Variants in ANKS1B observed in about 807,000 individuals in gnomAD.
ANKS1B encodes ankyrin repeat and sterile alpha motif domain containing 1B, also known as ankyrin repeat and sterile alpha motif domain-containing protein 1B.
In ANKS1B, 36 loss-of-function variants were observed where a neutral mutation model predicts 148.3. The observed-to-expected ratio is 0.24, with a 90% CI of 0.19 to 0.32. The LOEUF is 0.32. ANKS1B is among the 10% of genes least tolerant of loss of function. The pLI is 1.00. For missense variants in ANKS1B, 1,157 were observed against 1,542.6 expected, an observed-to-expected ratio of 0.75 and a Z score of 4.19; for synonymous variants, 542 against 560.8, an observed-to-expected ratio of 0.97 and a Z score of 0.47.
At chr12:99,762,785 G>A (rs1281047850) in intron 8 of ANKS1B, among the ~76,000 whole-genome samples, 1 of 151,920 alleles carries the variant, frequency 6.6e-6, no homozygotes, top group Admixed American at 6.6e-5. Context: ...CTAATATCCA[G>A]AATCTATAAG....
intron 9 of ANKS1B, among the ~76,000 whole-genome samples, chr12:99,596,171 A>AG (rs1410037669): frequency 6.6e-6 from 1 of 151,902 alleles, no homozygotes; most frequent in Admixed American, 6.6e-5. Flanking sequence ...CTTAAAAAAA[A>AG]CAAAAATTTC....
chr12:99,599,386 G>A (rs1028927710), intron 9 of ANKS1B, among the ~76,000 whole-genome samples: 3 of 152,046 alleles, frequency 2.0e-5, no homozygotes, highest in Non-Finnish European at 2.9e-5. Context: ...CAGGTCAGCA[G>A]GGACCAGATG....
intron 17 of ANKS1B, among the ~76,000 whole-genome samples, chr12:98,848,766 T>A (rs2099501533): frequency 6.7e-6 from 1 of 148,168 alleles, no homozygotes; most frequent in African/African-American, 2.5e-5. Flanking sequence ...TGAGACGGAG[T>A]CTCGCTCTGT....
chr12:99,611,916 G>A (rs2097905660), intron 9 of ANKS1B, among the ~76,000 whole-genome samples: 1 of 152,014 alleles, frequency 6.6e-6, no homozygotes, highest in African/African-American at 2.4e-5. Context: ...CATTATTCCT[G>A]TCATCAGTAA....
chr12:99,858,596 T>C (rs2089557299), intron 1 of ANKS1B, among the ~76,000 whole-genome samples: 2 of 152,168 alleles, frequency 1.3e-5, no homozygotes, highest in African/African-American at 2.4e-5. Context: ...GCAGCACAAT[T>C]TGCAGTTGCA....
chr12:99,174,884 T>G (rs915601313), intron 14 of ANKS1B, among the ~76,000 whole-genome samples: 3 of 152,212 alleles, frequency 2.0e-5, no homozygotes, highest in African/African-American at 7.2e-5. Context: ...ATTCCTCTTC[T>G]TGCTTTTGTC....
At chr12:99,661,655 C>T (rs1451243605) in intron 8 of ANKS1B, among the ~76,000 whole-genome samples, 2 of 152,172 alleles carry the variant, frequency 1.3e-5, no homozygotes, top group African/African-American at 4.8e-5. Context: ...ATGTGGTTTT[C>T]TCTGGCAAAG....
At chr12:99,265,550 A>C (rs2076366853) in intron 12 of ANKS1B, among the ~76,000 whole-genome samples, 1 of 152,164 alleles carries the variant, frequency 6.6e-6, no homozygotes, top group Non-Finnish European at 1.5e-5. Context: ...ACGAGTTAGG[A>C]GAGGATCAGA....
intron 9 of ANKS1B, among the ~76,000 whole-genome samples, chr12:99,540,905 AAGAG>A (rs1419872078): frequency 6.6e-6 from 1 of 152,064 alleles, no homozygotes; most frequent in Admixed American, 6.6e-5. Context: ...AACAAAAAAA[AAGAG>A]AGAGAAGACT....
chr12:98,830,645 G>A (rs1320240907), intron 18 of ANKS1B, among the ~76,000 whole-genome samples: 1 of 152,146 alleles, frequency 6.6e-6, no homozygotes, highest in Non-Finnish European at 1.5e-5. Flanking sequence ...TCCGGGTGCC[G>A]TGCTTGTGTT....
chr12:99,092,931 G>C (rs2054570986), intron 15 of ANKS1B, among the ~76,000 whole-genome samples: 4 of 152,188 alleles, frequency 2.6e-5, no homozygotes. Flanking sequence ...GAGTCTCAGA[G>C]ATGTGACACT....
At chr12:98,784,079 C>A (rs1158766677) in intron 22 of ANKS1B, among the ~76,000 whole-genome samples, 1 of 152,178 alleles carries the variant, frequency 6.6e-6, no homozygotes, top group Non-Finnish European at 1.5e-5. Context: ...GATGAAGAAG[C>A]CACTGAGATA....
chr12:99,415,053 T>G (rs2094852060), intron 11 of ANKS1B, among the ~76,000 whole-genome samples: 1 of 152,206 alleles, frequency 6.6e-6, no homozygotes, highest in Non-Finnish European at 1.5e-5. Flanking sequence ...TAGTTTTTAT[T>G]CTAGTTTTAT....
chr12:98,781,246 G>A (rs775864348), intron 23 of ANKS1B, 43 bp from the exon 24 acceptor site: 12 of 1,290,520 alleles, frequency 9.3e-6, no homozygotes, highest in Admixed American at 7.9e-5. Flanking sequence ...TTTGTGTTGC[G>A]TGGCAACTGA....
intron 8 of ANKS1B, chr12:99,706,510 C>T (rs1200492970): frequency 1.3e-5 from 2 of 151,964 alleles, no homozygotes; most frequent in Non-Finnish European, 2.9e-5. Context: ...TCTTATAACT[C>T]GCTTCTGTGT....
At chr12:98,933,457 A>G (rs74504495) in intron 17 of ANKS1B, among the ~76,000 whole-genome samples, 2,512 of 152,240 alleles carry the variant, frequency 0.017, 70 homozygotes, top group African/African-American at 0.058. Flanking sequence ...TGCTGTGAAT[A>G]TAAGAGTGCT....
chr12:99,914,469 G>A (rs932647184), intron 1 of ANKS1B, among the ~76,000 whole-genome samples: 3 of 152,214 alleles, frequency 2.0e-5, no homozygotes, highest in Non-Finnish European at 2.9e-5. Context: ...AAGCTTTGAA[G>A]AATGAGAATG....
intron 1 of ANKS1B, among the ~76,000 whole-genome samples, chr12:99,825,849 T>C (rs1423006914): frequency 6.6e-6 from 1 of 152,340 alleles, no homozygotes; most frequent in East Asian, 1.9e-4. Context: ...TAAAGTCTTT[T>C]TGCTCTTCAA....
intron 17 of ANKS1B, among the ~76,000 whole-genome samples, chr12:98,948,770 C>CT: frequency 6.8e-6 from 1 of 146,778 alleles, no homozygotes; most frequent in East Asian, 2.0e-4. Context: ...CACCCACACC[C>CT]CCCCCCACAC....
Sources: gnomAD v4.1 joint callset for allele counts (sites outside exome capture counted in the v4.1 genomes callset) on GRCh38, gnomAD v4.1.1 for gene constraint, MANE v1.5 for transcripts, NCBI Gene and HGNC (gene_info 2026-07-23, HGNC 2026-07-21) for gene names.